MYO5C: variants seen among roughly 807,000 people sequenced by gnomAD.
The protein encoded by MYO5C is unconventional myosin-Vc.
A neutral mutation model predicts 235.7 loss-of-function variants in MYO5C; 194 were observed. That is an observed-to-expected ratio of 0.82 (90% CI 0.73 to 0.93). MYO5C has a LOEUF of 0.93. Among genes scored for constraint, MYO5C ranks in the 40% least tolerant of loss-of-function variants. The probability of loss-of-function intolerance (pLI) is 0.00; values close to 1 mark genes in which losing one functional copy is unlikely to be tolerated. For missense variants in MYO5C, 2,038 were observed against 2,127.2 expected, an observed-to-expected ratio of 0.96 and a Z score of 0.82; for synonymous variants, 707 against 754.8, an observed-to-expected ratio of 0.94 and a Z score of 1.04.
chr15:52,291,208 G>C (rs1177892702), intron 1 of MYO5C, among the ~76,000 whole-genome samples: 2 of 152,208 alleles, frequency 1.3e-5, no homozygotes, highest in Non-Finnish European at 2.9e-5. Context: ...ATCAAGGCTA[G>C]AGAATAGTGC....
At chr15:52,233,710 G>T (rs911407760) in intron 23 of MYO5C, among the ~76,000 whole-genome samples, 1 of 152,200 alleles carries the variant, frequency 6.6e-6, no homozygotes, top group African/African-American at 2.4e-5. Flanking sequence ...AGGGCAGGAC[G>T]TTCCATGGCT....
Position 52,237,466 on chromosome 15 carries a change from C to T in MYO5C, c.2868+16G>A. On this transcript the variant is annotated intron_variant, in intron 22 of 40. Transcript: ENST00000261839. ...GTCCGCATATTTCCATCCCGTCTCA[C>T]ACGCCCGCAGCTGACCTCTTCCACA... is the stretch of plus-strand genomic sequence containing the variant. 1 of 1,610,860 alleles carries T rather than the reference C, an allele frequency of 6.2e-7. No individual in the cohort carries two copies. The highest frequency in any genetic ancestry group is 8.5e-7 in the Non-Finnish European group (1 of 1,178,384).
chr15:52,275,475 G>T, intron 5 of MYO5C, 87 bp downstream of exon 5: 2 of 1,521,680 alleles, frequency 1.3e-6, no homozygotes, highest in Non-Finnish European at 9.1e-7. Context: ...TAAAGGGTGG[G>T]AACTTGAATT....
chr15:52,282,688 G>A (rs2037183907), intron 2 of MYO5C, 94 bp downstream of exon 2: 1 of 858,524 alleles, frequency 1.2e-6, no homozygotes. Context: ...CCTCCCCTGG[G>A]TGCCTCCCAC....
chr15:52,230,850 C>T (rs1269216587), intron 24 of MYO5C, among the ~76,000 whole-genome samples: 12 of 122,818 alleles, frequency 9.8e-5, no homozygotes, highest in Middle Eastern at 5.7e-3. Flanking sequence ...TTTTTGGAGA[C>T]AGGGTCTCAC....
At chr15:52,240,784 A>C (rs2036202453) in intron 20 of MYO5C, among the ~76,000 whole-genome samples, 2 of 152,164 alleles carry the variant, frequency 1.3e-5, no homozygotes, top group African/African-American at 4.8e-5. Context: ...GGAGTTAGCC[A>C]GAATGAAACC....
intron 5 of MYO5C, among the ~76,000 whole-genome samples, chr15:52,274,205 G>A (rs571674035): frequency 2.0e-5 from 3 of 152,294 alleles, no homozygotes; most frequent in Admixed American, 6.5e-5. Context: ...CATGGAGTGT[G>A]CAGTCTAGTA....
At chr15:52,195,184 T>A (rs2035018538) in intron 40 of MYO5C, among the ~76,000 whole-genome samples, 193 bp downstream of exon 40, 1 of 152,156 alleles carries the variant, frequency 6.6e-6, no homozygotes, top group South Asian at 2.1e-4. Flanking sequence ...TTCATTCCCC[T>A]CCCACCTGGA....
chr15:52,294,125 G>A (rs1444744478), intron 1 of MYO5C, among the ~76,000 whole-genome samples: 3 of 152,262 alleles, frequency 2.0e-5, no homozygotes, highest in African/African-American at 7.2e-5. Context: ...GTACTTACTA[G>A]ACATTTAATA....
At position 52,248,791 on chromosome 15, in the gene MYO5C, G is replaced by C. The variant is rs371762665; in HGVS notation, c.1663-8C>G. 3.1e-6 allele frequency: 5 copies of C among 1,598,776 alleles called. No homozygotes were observed. In the African/African-American group the frequency reaches 6.7e-5, roughly 21 times the overall value. On this transcript the variant is annotated splice_polypyrimidine_tract_variant and splice_region_variant and intron_variant, in intron 13 of 40. Coordinates refer to ENST00000261839, the MANE Select transcript of MYO5C (RefSeq NM_018728.4). The stretch of plus-strand genomic sequence containing the variant: ...TTCACATTTATACTCTACCTATACA[G>C]AGAAAGCAATTAATTATTCCCAAAG...
At chr15:52,291,137 T>C (rs1218195217) in intron 1 of MYO5C, among the ~76,000 whole-genome samples, 1 of 152,176 alleles carries the variant, frequency 6.6e-6, no homozygotes, top group Admixed American at 6.5e-5. Flanking sequence ...AGCACTAACA[T>C]AATGCCAGGA....
chr15:52,260,748 A>G (rs983667947), intron 10 of MYO5C, 114 bp downstream of exon 10: 13 of 1,219,514 alleles, frequency 1.1e-5, no homozygotes, highest in Non-Finnish European at 2.3e-6. Flanking sequence ...AAAGCAGAGA[A>G]TGTTATCTTT....
chr15:52,195,318 C>A, intron 40 of MYO5C, 59 bp downstream of exon 40: 1 of 1,123,764 alleles, frequency 8.9e-7, no homozygotes. Flanking sequence ...AATTAAGTAT[C>A]AACATCTTAT....
intron 7 of MYO5C, among the ~76,000 whole-genome samples, chr15:52,270,635 T>C (rs1188707436): frequency 2.8e-5 from 4 of 144,348 alleles, no homozygotes; most frequent in Non-Finnish European, 4.6e-5. Context: ...AATGTATGTG[T>C]ATATATATAT....
At chr15:52,249,395 C>T (rs1411578573) in intron 13 of MYO5C, among the ~76,000 whole-genome samples, 1 of 152,134 alleles carries the variant, frequency 6.6e-6, no homozygotes. Flanking sequence ...CAACATTCAA[C>T]CTCCCCCTAG....
At chr15:52,213,701 G>C (rs1366677010) in intron 33 of MYO5C, among the ~76,000 whole-genome samples, 2 of 152,352 alleles carry the variant, frequency 1.3e-5, no homozygotes, top group Non-Finnish European at 2.9e-5. Context: ...TGTGGCTGCT[G>C]TAAAGTTATC....
Position 52,242,202 on chromosome 15 carries a change from G to T in MYO5C, c.2402C>A (p.Thr801Asn). The change falls in exon 20 of 41, where the codon ACT becomes AAT. Residue 801 changes from threonine to asparagine, a missense_variant. Transcript: ENST00000261839. Reference sequence around the variant, plus strand: ...CCAAGCTTCTTTTAAGGCCACTGCAGTAATAGCTTTCCTTGGTTAACAAGG... The same window carrying T: ...CCAAGCTTCTTTTAAGGCCACTGCATTAATAGCTTTCCTTGGTTAACAAGG... ...RGQQTVRKAI[T>N]AVALKEAWAA... The T allele has an allele frequency of 6.2e-7, 1 of 1,611,818 alleles. No homozygotes were observed. The highest frequency in any genetic ancestry group is 1.7e-5 in the Admixed American group (1 of 59,692).
In MYO5C at chr15:52,242,184, T is replaced by C; in HGVS notation, c.2420A>G (p.Glu807Gly). The C allele has an allele frequency of 3.7e-6, 6 of 1,613,824 alleles. No homozygotes were observed. Among genetic ancestry groups the C allele is most frequent in the Non-Finnish European group, 5.1e-6 (6 of 1,179,762 alleles). Residue 807 changes from glutamate (E) to glycine (G), a missense_variant, in exon 20 of 41, where the codon GAA becomes GGA. Transcript: ENST00000261839. ...CTGAATGATTATGGCTGCCCAAGCT[T>C]CTTTTAAGGCCACTGCAGTAATAGC... ...RKAITAVALK[E>G]AWAAIIIQKH...
At chr15:52,293,649 C>A (rs1214494786) in intron 1 of MYO5C, among the ~76,000 whole-genome samples, 2 of 152,140 alleles carry the variant, frequency 1.3e-5, no homozygotes, top group African/African-American at 4.8e-5. Flanking sequence ...CACCCCACTC[C>A]CCAGTCCAGC....
Sources: allele counts gnomAD v4.1 joint callset (sites outside exome capture counted in the v4.1 genomes callset), GRCh38; gene constraint gnomAD v4.1.1; transcripts MANE v1.5; gene names NCBI Gene and HGNC (gene_info 2026-07-23, HGNC 2026-07-21).